The following P3H4 variants were observed in gnomAD, a reference collection of about 807,000 sequenced individuals.
P3H4 encodes endoplasmic reticulum protein SC65.
In P3H4, 47 loss-of-function variants were observed where a neutral mutation model predicts 52.9. The observed-to-expected ratio is 0.89, with a 90% CI of 0.70 to 1.13. The LOEUF is 1.13. Among genes scored for constraint, P3H4 ranks in the 50% most tolerant of loss-of-function variants. The probability of loss-of-function intolerance (pLI) is 0.00; values close to 1 mark genes in which losing one functional copy is unlikely to be tolerated. For synonymous variants in P3H4, 256 were observed against 267.9 expected (o/e 0.96, Z 0.44); for missense variants, 585 against 611.0 (o/e 0.96, Z 0.45).
At chr17:41,809,891 C>A (rs181233976) in intron 3 of P3H4, 57 bp from the exon 4 acceptor site, 4 of 1,579,492 alleles carry the variant, frequency 2.5e-6, no homozygotes, top group Admixed American at 1.7e-5. Context: ...CTCCGTCCCC[C>A]CAGTGGAGAA....
chr17:41,806,763 A>C (rs2047678091), intron 6 of P3H4, 33 bp downstream of exon 6: 1 of 1,590,116 alleles, frequency 6.3e-7, no homozygotes, highest in Admixed American at 1.7e-5. Flanking sequence ...TGTCCCCATC[A>C]CAGCCCAATC....
intron 4 of P3H4, among the ~76,000 whole-genome samples, chr17:41,808,943 C>A (rs1386003095): frequency 6.6e-6 from 1 of 152,144 alleles, no homozygotes; most frequent in Non-Finnish European, 1.5e-5. Flanking sequence ...TCCATTCCAG[C>A]CCCAGTGGAT....
chr17:41,811,492 G>A lies in P3H4; in HGVS notation c.424C>T (p.Arg142Cys). ...TAGTGCAGGTACTGGTAGGGCAGGC[G>A]GCTCTGGAAGTCACGCAGCAGCTGC... is the stretch of plus-strand genomic sequence containing the variant. Reference protein sequence around the residue: ...PRQLLRDFQSRLPYQYLHYAL... With the variant: ...PRQLLRDFQSCLPYQYLHYAL... The change falls in exon 1 of 8, where the codon CGC becomes TGC. Residue 142 changes from arginine (R) to cysteine (C), a missense_variant. Coordinates refer to ENST00000393928, the MANE Select transcript of P3H4 (RefSeq NM_006455.3). The surrounding 1 kb of genome is among the most constrained non-coding windows in gnomAD (Gnocchi z 4.8). 2 of 1,612,060 alleles carry A rather than the reference G, an allele frequency of 1.2e-6. No individual in the cohort carries two copies. Among genetic ancestry groups the A allele is most frequent in the South Asian group, 1.1e-5 (1 of 91,056 alleles).
intron 3 of P3H4, chr17:41,810,655 T>G (rs553116454): frequency 5.1e-6 from 3 of 588,306 alleles, no homozygotes; most frequent in East Asian, 5.8e-5. Flanking sequence ...CCAAACCCTT[T>G]AGGGATGTCA....
Position 41,802,914 on chromosome 17 carries a change from G to T in P3H4, c.*43C>A. ...CAGGCTGGTGAGGGTGGGGCCATCG[G>T]CACCAGGCTTCCCAAGCTTGAGCGG... On this transcript the variant is annotated 3_prime_UTR_variant, in exon 8 of 8. Transcript: ENST00000393928. 1 of 1,604,276 alleles carries T rather than the reference G, an allele frequency of 6.2e-7. No homozygotes were observed. Among genetic ancestry groups the T allele is most frequent in the East Asian group, 2.2e-5 (1 of 44,682 alleles).
At chr17:41,803,200 G>A (rs1317635468) in intron 7 of P3H4, 87 bp downstream of exon 7, 1 of 1,535,136 alleles carries the variant, frequency 6.5e-7, no homozygotes, top group Non-Finnish European at 8.8e-7. Flanking sequence ...ACACACCCTG[G>A]GCTCCGGAGC....
At chr17:41,803,778 C>T (rs1456858288) in intron 6 of P3H4, among the ~76,000 whole-genome samples, 1 of 152,152 alleles carries the variant, frequency 6.6e-6, no homozygotes, top group African/African-American at 2.4e-5. Flanking sequence ...TCCCCTGTGC[C>T]TGCGTAGCCC....
At chr17:41,804,498 C>G (rs1357007148) in intron 6 of P3H4, among the ~76,000 whole-genome samples, 1 of 151,884 alleles carries the variant, frequency 6.6e-6, no homozygotes, top group Non-Finnish European at 1.5e-5. Context: ...TATGGTGGCA[C>G]ACGCCTGTAA....
Position 41,811,036 on chromosome 17 carries a change from T to C in P3H4, c.616-2A>G, listed in dbSNP as rs782805546. Reference sequence around the variant, plus strand: ...CTTCACAGCCCGGAGGAACACGGCCTGGAAGGGGCGTGGCAGGGGGAGTCA... The same window carrying C: ...CTTCACAGCCCGGAGGAACACGGCCCGGAAGGGGCGTGGCAGGGGGAGTCA... On this transcript the variant is annotated splice_acceptor_variant, in intron 2 of 7. Transcript: ENST00000393928. LOFTEE classifies it high-confidence loss of function. The surrounding 1 kb of genome is among the most constrained non-coding windows in gnomAD (Gnocchi z 4.8). The C allele has an allele frequency of 2.5e-6, 4 of 1,610,910 alleles. No homozygotes were observed. Among genetic ancestry groups the C allele is most frequent in the Admixed American group, 3.3e-5 (2 of 59,946 alleles).
chr17:41,809,011 T>A (rs1175868685), intron 4 of P3H4, among the ~76,000 whole-genome samples: 1 of 152,176 alleles, frequency 6.6e-6, no homozygotes, highest in East Asian at 1.9e-4. Context: ...TTATTAGTCA[T>A]AAGACCAACA....
chr17:41,806,950 C>A, intron 5 of P3H4, 71 bp from the exon 6 acceptor site: 1 of 1,232,876 alleles, frequency 8.1e-7, no homozygotes. Flanking sequence ...GCCAGGGCTC[C>A]TAGGATCTGG....
At position 41,811,305 on chromosome 17, in the gene P3H4, G is replaced by T. The variant is rs200961285; in HGVS notation, c.463-21C>A. The T allele has an allele frequency of 6.5e-3, 10,438 of 1,611,106 alleles. 64 individuals carry two copies. The highest frequency in any genetic ancestry group is 8.6e-3 in the Admixed American group (518 of 60,022). ...TTAGCCTGGTCGGGGGGTAGGGGGT[G>T]GGGGAGCGGGTCAGCAAGACCGGAG... On this transcript the variant is annotated intron_variant, in intron 1 of 7. Transcript: ENST00000393928. The surrounding 1 kb of genome is among the most constrained non-coding windows in gnomAD (Gnocchi z 4.8).
chr17:41,810,646 CA>C lies in P3H4; in HGVS notation c.787+216del, dbSNP rs2047719999. 1.6e-5 allele frequency: 9 copies of C among 563,962 alleles called. No homozygotes were observed. The South Asian group carries it at 2.3e-4, about 14-fold the overall frequency. 34.9% of individuals were successfully genotyped at this position (563,962 alleles called of 1,614,324 possible). A position where few individuals can be genotyped will look rare whatever the true frequency, so the allele number is the denominator to read the frequency against. ...GGAAGGCCTATGAACCCAAGCTTCCCAAACCCTTTAGGGATGTCACTGCCTC... is the reference window on the plus strand; with the variant it reads ...GGAAGGCCTATGAACCCAAGCTTCCCAACCCTTTAGGGATGTCACTGCCTC... On this transcript the variant is annotated intron_variant, in intron 3 of 7. Coordinates refer to ENST00000393928, the MANE Select transcript of P3H4 (RefSeq NM_006455.3).
chr17:41,802,846 C>T lies in P3H4; in HGVS notation c.*111G>A. 1 of 1,174,770 alleles carries T rather than the reference C, an allele frequency of 8.5e-7. No homozygotes were observed. The highest frequency in any genetic ancestry group is 1.2e-6 in the Non-Finnish European group (1 of 803,158). The allele number at this position is 1,174,770 out of a possible 1,614,324, so 72.8% of individuals were successfully genotyped here. On this transcript the variant is annotated 3_prime_UTR_variant, in exon 8 of 8. Coordinates refer to ENST00000393928, the MANE Select transcript of P3H4 (RefSeq NM_006455.3). Reference sequence around the variant, plus strand: ...GGATTACAGGTGTGAGCCACCGCACCTGGCCCATCTTAAGTTTTTAATAAA... The same window carrying T: ...GGATTACAGGTGTGAGCCACCGCACTTGGCCCATCTTAAGTTTTTAATAAA...
chr17:41,802,722 AT>A lies in P3H4; in HGVS notation c.*234del, dbSNP rs1555613679. The A allele has an allele frequency of 9.0e-6, 4 of 443,608 alleles. No homozygotes were observed. The highest frequency in any genetic ancestry group is 1.2e-5 in the Non-Finnish European group (3 of 254,696). The allele number at this position is 443,608 out of a possible 1,614,324, so 27.5% of individuals were successfully genotyped here. A position where few individuals can be genotyped will look rare whatever the true frequency, so the allele number is the denominator to read the frequency against. On this transcript the variant is annotated 3_prime_UTR_variant, in exon 8 of 8. Coordinates refer to ENST00000393928, the MANE Select transcript of P3H4 (RefSeq NM_006455.3). ...GCCTGCCACCACACCCGGCTAATTTATGTATTTTAGTAGAGACGGAGGTCTC... is the reference window on the plus strand; with the variant it reads ...GCCTGCCACCACACCCGGCTAATTTAGTATTTTAGTAGAGACGGAGGTCTC...
At position 41,806,991 on chromosome 17, in the gene P3H4, A is replaced by C. The variant is rs574553870; in HGVS notation, c.1063-112T>G. 1.4e-3 allele frequency: 1,021 copies of C among 751,788 alleles called. 1 individual carries two copies. The highest frequency in any genetic ancestry group is 1.7e-3 in the Non-Finnish European group (718 of 432,474). The allele number at this position is 751,788 out of a possible 1,614,324, so 46.6% of individuals were successfully genotyped here. A position where few individuals can be genotyped will look rare whatever the true frequency, so the allele number is the denominator to read the frequency against. On this transcript the variant is annotated intron_variant, in intron 5 of 7. Coordinates refer to ENST00000393928, the MANE Select transcript of P3H4 (RefSeq NM_006455.3). ...CTGGCCCTCTTCTAGCTCAAGGATC[A>C]GAGAATAGGTATCAGCTCACAAGCT...
chr17:41,809,043 A>G (rs1555614569), intron 4 of P3H4, among the ~76,000 whole-genome samples: 1 of 152,198 alleles, frequency 6.6e-6, no homozygotes, highest in East Asian at 1.9e-4. Context: ...TATAAGCCTC[A>G]GTTTCCCCAT....
intron 4 of P3H4, among the ~76,000 whole-genome samples, chr17:41,808,597 C>T (rs2047698551): frequency 6.6e-6 from 1 of 152,140 alleles, no homozygotes; most frequent in South Asian, 2.1e-4. Flanking sequence ...TCATGTTGCC[C>T]AGGTTGGTCT....
At position 41,807,901 on chromosome 17, in the gene P3H4, C is replaced by A; in HGVS notation, c.1020G>T (p.Arg340=). 6.2e-7 allele frequency: 1 copy of A among 1,614,106 alleles called. No homozygotes were observed. The highest frequency in any genetic ancestry group is 1.3e-5 in the African/African-American group (1 of 75,056). The stretch of plus-strand genomic sequence containing the variant: ...CCTCCTCTTCCAGGCCCCAGCGAGC[C>A]CGGTGGAACCGGTAATACACCAGGT... ...QQNLVYYRFH[R]ARWGLEEEDF... The change falls in exon 5 of 8, where the codon CGG becomes CGT. Residue 340 remains arginine, a synonymous_variant. Coordinates refer to ENST00000393928, the MANE Select transcript of P3H4 (RefSeq NM_006455.3).
Sources: allele counts gnomAD v4.1 joint callset (sites outside exome capture counted in the v4.1 genomes callset), GRCh38; gene constraint gnomAD v4.1.1; non-coding constraint Gnocchi (gnomAD v3.1); transcripts MANE v1.5; gene names NCBI Gene and HGNC (gene_info 2026-07-23, HGNC 2026-07-21).